FAM168B: variants seen among roughly 807,000 people sequenced by gnomAD.
FAM168B encodes the protein myelin-associated neurite-outgrowth inhibitor.
Under a neutral mutation model 21.8 loss-of-function variants are expected in FAM168B, and 19 were observed. The ratio of observed to expected loss-of-function variants is 0.87; its 90% CI spans 0.61 to 1.28. The LOEUF is 1.28. Ranked by LOEUF, FAM168B falls within the 50% of genes most tolerant of loss-of-function variation. FAM168B has a pLI of 0.00. For synonymous variants in FAM168B, 126 were observed against 104.8 expected (o/e 1.20, Z -1.24); for missense variants, 233 against 263.1 (o/e 0.89, Z 0.79).
intron 1 of FAM168B, among the ~76,000 whole-genome samples, chr2:131,084,441 C>T (rs1014214624): frequency 6.6e-6 from 1 of 151,796 alleles, no homozygotes; most frequent in Non-Finnish European, 1.5e-5. Context: ...CTCAAGATAT[C>T]CACCCACCTC....
At position 131,092,900 on chromosome 2, in the gene FAM168B, C is replaced by T. The variant is rs181959707; in HGVS notation, c.-12+314G>A. Among the ~76,000 whole-genome samples the T allele has an allele frequency of 3.7e-3, 566 of 152,252 alleles. 2 individuals are homozygous for T. Among genetic ancestry groups the T allele is most frequent in the African/African-American group, 0.012 (512 of 41,558 alleles). On this transcript the variant is annotated intron_variant, in intron 1 of 6. Coordinates refer to ENST00000389915, the MANE Select transcript of FAM168B (RefSeq NM_001009993.4). The stretch of plus-strand genomic sequence containing the variant: ...GACTATTGTCACAAAGCTCTGCCCC[C>T]GGGTTTCACGCTCGCATTCCTGACG...
At chr2:131,078,935 C>T (rs1693300930) in intron 2 of FAM168B, among the ~76,000 whole-genome samples, 1 of 148,096 alleles carries the variant, frequency 6.8e-6, no homozygotes. Context: ...TGCAGTGAGC[C>T]GTGACTACAC....
At chr2:131,091,944 A>G (rs992416731) in intron 1 of FAM168B, among the ~76,000 whole-genome samples, 1 of 149,966 alleles carries the variant, frequency 6.7e-6, no homozygotes, top group African/African-American at 2.5e-5. Flanking sequence ...CCTGGCTAAC[A>G]CGGTGAAACC....
chr2:131,084,070 T>C (rs1207444247), intron 1 of FAM168B, among the ~76,000 whole-genome samples: 1 of 150,500 alleles, frequency 6.6e-6, no homozygotes, highest in Non-Finnish European at 1.5e-5. Context: ...ACCCAGCTAA[T>C]TTTTGTATTT....
At chr2:131,072,049 A>G in intron 2 of FAM168B, 111 bp from the exon 3 acceptor site, 3 of 866,940 alleles carry the variant, frequency 3.5e-6, no homozygotes, top group Admixed American at 2.0e-5. Context: ...CACAGACTTA[A>G]GCAGCCCCAA....
chr2:131,063,283 G>C (rs1314819942), intron 3 of FAM168B, among the ~76,000 whole-genome samples: 1 of 152,074 alleles, frequency 6.6e-6, no homozygotes. Flanking sequence ...GTTGAAAAAA[G>C]TCACCAACGA....
At position 131,051,824 on chromosome 2, in the gene FAM168B, C is replaced by T; in HGVS notation, c.*641G>A. The T allele has an allele frequency of 2.0e-6, 2 of 985,444 alleles. No homozygotes were observed. The highest frequency in any genetic ancestry group is 2.4e-6 in the Non-Finnish European group (2 of 829,958). The allele number at this position is 985,444 out of a possible 1,614,324, so 61.0% of individuals were successfully genotyped here. ...ACTCAAAGGGATGTCCATGAACCAG[C>T]TGCACCCAAGCAGCTGTGGCTTCCC... On this transcript the variant is annotated 3_prime_UTR_variant, in exon 7 of 7. Transcript: ENST00000389915.
intron 1 of FAM168B, among the ~76,000 whole-genome samples, chr2:131,091,845 C>G (rs1426866477): frequency 6.6e-6 from 1 of 151,138 alleles, no homozygotes; most frequent in Non-Finnish European, 1.5e-5. Context: ...TAAAATTGTG[C>G]TCGGCCAGGC....
Position 131,049,338 on chromosome 2 carries a change from G to A in FAM168B, c.*3127C>T. ...AGGCTCAGGACCACCCCCATTGCCT[G>A]TGAACACATTTGCATAGCACTCAAG... On this transcript the variant is annotated 3_prime_UTR_variant, in exon 7 of 7. Transcript: ENST00000389915. 5 of 985,564 alleles carry A rather than the reference G, an allele frequency of 5.1e-6. No individual in the cohort carries two copies. Among genetic ancestry groups the A allele is most frequent in the Non-Finnish European group, 6.0e-6 (5 of 830,050 alleles). 61.1% of individuals were successfully genotyped at this position (985,564 alleles called of 1,614,324 possible).
chr2:131,086,100 G>A (rs1380979696), intron 1 of FAM168B, among the ~76,000 whole-genome samples: 3 of 152,118 alleles, frequency 2.0e-5, no homozygotes, highest in Non-Finnish European at 4.4e-5. Flanking sequence ...AAACATACTA[G>A]CAACTGCCAA....
At chr2:131,056,799 A>AAAGG (rs1692045224) in intron 3 of FAM168B, among the ~76,000 whole-genome samples, 1 of 152,196 alleles carries the variant, frequency 6.6e-6, no homozygotes, top group South Asian at 2.1e-4. Flanking sequence ...AAGCCACACC[A>AAAGG]TGTCAAAGGA....
At chr2:131,083,348 G>A (rs138619350) in intron 1 of FAM168B, among the ~76,000 whole-genome samples, 3,237 of 152,162 alleles carry the variant, frequency 0.021, 119 homozygotes, top group African/African-American at 0.074. Flanking sequence ...GCGAGACTCC[G>A]TCTCAAAAAA....
intron 3 of FAM168B, among the ~76,000 whole-genome samples, chr2:131,057,779 A>T (rs1474833461): frequency 1.3e-5 from 2 of 152,234 alleles, no homozygotes; most frequent in Admixed American, 6.5e-5. Flanking sequence ...GTTAATTTTT[A>T]AAAAATTTTA....
intron 3 of FAM168B, among the ~76,000 whole-genome samples, chr2:131,066,432 C>T (rs1407660657): frequency 1.3e-5 from 2 of 152,210 alleles, no homozygotes; most frequent in African/African-American, 2.4e-5. Flanking sequence ...GCCTCGGCCT[C>T]CCAAAGTGCT....
intron 1 of FAM168B, among the ~76,000 whole-genome samples, chr2:131,083,912 ATTTATTTTC>A (rs1693548747): frequency 7.6e-6 from 1 of 131,222 alleles, no homozygotes; most frequent in Non-Finnish European, 1.6e-5. Context: ...TTATTTATTT[ATTTATTTTC>A]CCAGACGGAG....
chr2:131,062,051 G>C (rs543269344), intron 3 of FAM168B, among the ~76,000 whole-genome samples: 1 of 152,320 alleles, frequency 6.6e-6, no homozygotes, highest in South Asian at 2.1e-4. Flanking sequence ...GTTAAAAGAA[G>C]TCAAAACAAG....
At chr2:131,053,769 G>A (rs1691841954) in intron 5 of FAM168B, among the ~76,000 whole-genome samples, 2 of 152,134 alleles carry the variant, frequency 1.3e-5, no homozygotes. Context: ...CAGCTACTCA[G>A]GAAGCTAAGG....
intron 3 of FAM168B, among the ~76,000 whole-genome samples, chr2:131,060,546 G>T (rs192020457): frequency 1.8e-4 from 27 of 152,266 alleles, no homozygotes; most frequent in Admixed American, 1.7e-3. Flanking sequence ...ACATTATTCT[G>T]ATTCCAAACG....
chr2:131,082,704 T>C (rs983497837), intron 1 of FAM168B, 47 bp from the exon 2 acceptor site: 3 of 1,334,612 alleles, frequency 2.2e-6, no homozygotes, highest in Middle Eastern at 1.8e-4. Flanking sequence ...TGCTCTCAGA[T>C]TTTTCTCCAG....
Sources: gnomAD v4.1 joint callset for allele counts (sites outside exome capture counted in the v4.1 genomes callset) on GRCh38, gnomAD v4.1.1 for gene constraint, MANE v1.5 for transcripts, NCBI Gene and HGNC (gene_info 2026-07-23, HGNC 2026-07-21) for gene names.